Variants in HERC1 observed in about 807,000 individuals in gnomAD.
The protein encoded by HERC1 is probable E3 ubiquitin-protein ligase HERC1.
HERC1 carries 160 observed loss-of-function variants against 554.3 expected under a neutral mutation model. The ratio of observed to expected loss-of-function variants is 0.29; its 90% confidence interval spans 0.25 to 0.33. The LOEUF (loss-of-function observed/expected upper bound fraction) is 0.33. Among genes scored for constraint, HERC1 ranks in the 10% least tolerant of loss-of-function variants. The pLI is 1.00. For missense variants in HERC1, 4,919 were observed against 5,918.5 expected (o/e 0.83, Z 5.54); for synonymous variants, 2,175 against 2,131.7 (o/e 1.02, Z -0.56).
rs1033925822 is a variant in HERC1, at chr15:63,677,763, A to G, written c.7070+82T>C. ...TTAACTGGCAGCTCACCTAAAATAC[A>G]TAATTACTCACTGTCGACAGGCAAT... is the stretch of plus-strand genomic sequence containing the variant. On this transcript the variant is annotated intron_variant, in intron 37 of 77. Coordinates refer to ENST00000443617, the MANE Select transcript of HERC1 (RefSeq NM_003922.4). The surrounding 1 kb of genome is among the most constrained non-coding windows in gnomAD (Gnocchi z 4.4). The G allele has an allele frequency of 3.9e-6, 6 of 1,519,558 alleles. No individual in the cohort carries two copies. Among genetic ancestry groups the G allele is most frequent in the African/African-American group, 2.8e-5 (2 of 72,154 alleles). The allele number at this position is 1,519,558 out of a possible 1,614,324, so 94.1% of individuals were successfully genotyped here. A position where few individuals can be genotyped will look rare whatever the true frequency, so the allele number is the denominator to read the frequency against.
At position 63,628,796 on chromosome 15, in the gene HERC1, T is replaced by C. The variant is rs999791585; in HGVS notation, c.12986A>G (p.Asn4329Ser). The C allele has an allele frequency of 8.7e-6, 14 of 1,613,822 alleles. No homozygotes were observed. In the African/African-American group the frequency reaches 1.5e-4, roughly 17 times the overall value. ...SEGQLGLGHTNHVREPTLVTG... is the reference protein window; with the variant it reads ...SEGQLGLGHTSHVREPTLVTG... ...TACCAGGGTTGGTTCTCGAACATGG[T>C]TGGTATGGCCTAAGCCGAGCTGGGA... Residue 4329 changes from asparagine to serine, a missense_variant, in exon 70 of 78, where the codon AAC (asparagine) becomes AGC (serine). Coordinates refer to ENST00000443617, the MANE Select transcript of HERC1 (RefSeq NM_003922.4).
chr15:63,816,216 T>C (rs2077488786), intron 1 of HERC1, among the ~76,000 whole-genome samples: 1 of 152,192 alleles, frequency 6.6e-6, no homozygotes, highest in Non-Finnish European at 1.5e-5. Context: ...TAAACAGGCT[T>C]CTTTACTGTA....
At chr15:63,647,018 G>A (rs1437146233) in intron 55 of HERC1, among the ~76,000 whole-genome samples, 1 of 152,080 alleles carries the variant, frequency 6.6e-6, no homozygotes, top group Non-Finnish European at 1.5e-5. Flanking sequence ...ACTTTGGGAG[G>A]CTGAGGCAGG....
At chr15:63,795,065 C>CAA (rs1177647525) in intron 1 of HERC1, among the ~76,000 whole-genome samples, 29,314 of 68,546 alleles carry the variant, frequency 0.43, 6,974 homozygotes, top group Non-Finnish European at 0.46. Flanking sequence ...GACTCTGTCT[C>CAA]AAAAAAAAAA....
intron 77 of HERC1, among the ~76,000 whole-genome samples, chr15:63,610,190 C>G (rs115792169): frequency 1.7e-3 from 261 of 152,172 alleles, no homozygotes; most frequent in African/African-American, 6.0e-3. Context: ...AATCAGCCCT[C>G]CTCCCCAGAG....
At chr15:63,659,491 G>A (rs752837164) in intron 47 of HERC1, among the ~76,000 whole-genome samples, 3 of 152,028 alleles carry the variant, frequency 2.0e-5, no homozygotes, top group Admixed American at 6.6e-5. Context: ...GGCCTCAAGC[G>A]ACCTTCTTTC....
At chr15:63,664,210 T>C (rs1435453134) in intron 43 of HERC1, among the ~76,000 whole-genome samples, 1 of 152,224 alleles carries the variant, frequency 6.6e-6, no homozygotes, top group Non-Finnish European at 1.5e-5. Context: ...AGGAAGAGCA[T>C]TTATATAATT....
chr15:63,729,384 G>T lies in HERC1; in HGVS notation c.3022-16C>A. 1.3e-6 allele frequency: 2 copies of T among 1,590,878 alleles called. No homozygotes were observed. The highest frequency in any genetic ancestry group is 1.7e-6 in the Non-Finnish European group (2 of 1,172,080). On this transcript the variant is annotated splice_polypyrimidine_tract_variant and intron_variant, in intron 15 of 77. Transcript: ENST00000443617. ...TGCTTGAGTTCTAAGAAGAAAAAAA[G>T]TTCCTAAATTACTACTTTGAAAGAT... is the stretch of plus-strand genomic sequence containing the variant.
chr15:63,820,169 C>T (rs909055885), intron 1 of HERC1, among the ~76,000 whole-genome samples: 8 of 152,108 alleles, frequency 5.3e-5, no homozygotes, highest in African/African-American at 1.9e-4. Context: ...ACAGTGACTG[C>T]ACAGTAAATG....
intron 31 of HERC1, 61 bp from the exon 32 acceptor site, chr15:63,690,708 C>A: frequency 9.2e-7 from 1 of 1,091,580 alleles, no homozygotes; most frequent in Non-Finnish European, 1.4e-6. Context: ...TTAAAATGAA[C>A]TTCTGGGAAA....
At chr15:63,765,493 A>ATACTGATCTT (rs1249229001) in intron 2 of HERC1, among the ~76,000 whole-genome samples, 2 of 152,128 alleles carry the variant, frequency 1.3e-5, no homozygotes, top group Non-Finnish European at 2.9e-5. Context: ...GTTAACATCA[A>ATACTGATCTT]TACTGATCTT....
At chr15:63,703,035 G>C (rs769054589) in intron 25 of HERC1, among the ~76,000 whole-genome samples, 17 of 150,928 alleles carry the variant, frequency 1.1e-4, no homozygotes, top group Non-Finnish European at 1.9e-4. Context: ...ACAGGGACCC[G>C]TGAGGAGGAG....
chr15:63,695,319 G>C (rs1240557945), intron 27 of HERC1, among the ~76,000 whole-genome samples: 1 of 151,972 alleles, frequency 6.6e-6, no homozygotes, highest in Non-Finnish European at 1.5e-5. Flanking sequence ...CTACAGATGG[G>C]TGCCACCATG....
chr15:63,624,425 A>G (rs1595842901), intron 71 of HERC1, 98 bp from the exon 72 acceptor site: 1 of 1,123,280 alleles, frequency 8.9e-7, no homozygotes, highest in Non-Finnish European at 1.3e-6. Context: ...GGCTGGGCGC[A>G]GTGGCTCATG....
intron 14 of HERC1, among the ~76,000 whole-genome samples, chr15:63,731,708 A>C (rs2074301228): frequency 6.6e-6 from 1 of 152,228 alleles, no homozygotes; most frequent in South Asian, 2.1e-4. Context: ...TACGTAGACC[A>C]GACCCTGAAG....
chr15:63,658,776 T>G, intron 47 of HERC1, 58 bp from the exon 48 acceptor site: 1 of 1,356,192 alleles, frequency 7.4e-7, no homozygotes, highest in East Asian at 2.4e-5. Flanking sequence ...ACATCTGAAC[T>G]ACTAAAAACA....
chr15:63,789,082 T>G (rs926409937), intron 1 of HERC1, among the ~76,000 whole-genome samples: 22 of 94,910 alleles, frequency 2.3e-4, no homozygotes, highest in Admixed American at 1.9e-4. Flanking sequence ...TAAAAGGTTT[T>G]TTTTTTTTTT....
At chr15:63,651,631 T>G (rs1020039553) in intron 52 of HERC1, among the ~76,000 whole-genome samples, 1 of 152,230 alleles carries the variant, frequency 6.6e-6, no homozygotes, top group African/African-American at 2.4e-5. Flanking sequence ...AATAAAGACA[T>G]TCAAATTCTG....
At chr15:63,645,297 T>A (rs541591825) in intron 56 of HERC1, among the ~76,000 whole-genome samples, 186 bp downstream of exon 56, 11 of 152,308 alleles carry the variant, frequency 7.2e-5, no homozygotes, top group Non-Finnish European at 1.3e-4. Flanking sequence ...GGAGATTACA[T>A]ACCAAGTTTC....
Sources: allele counts gnomAD v4.1 joint callset (sites outside exome capture counted in the v4.1 genomes callset), GRCh38; gene constraint gnomAD v4.1.1; non-coding constraint Gnocchi (gnomAD v3.1); transcripts MANE v1.5; gene names NCBI Gene and HGNC (gene_info 2026-07-23, HGNC 2026-07-21).